ITPRID1: variants seen among roughly 807,000 people sequenced by gnomAD.
ITPRID1 encodes the protein ITPR interacting domain containing 1, also known as protein ITPRID1.
Under a neutral mutation model 95.4 loss-of-function variants are expected in ITPRID1, and 96 were observed. The observed-to-expected ratio is 1.01, with a 90% CI of 0.85 to 1.19. The LOEUF (loss-of-function observed/expected upper bound fraction) is 1.19. ITPRID1 is among the 50% of genes most tolerant of loss of function. ITPRID1 has a pLI of 0.00. For synonymous variants in ITPRID1, 510 were observed against 453.6 expected (o/e 1.12, Z -1.58); for missense variants, 1,339 against 1,252.9 (o/e 1.07, Z -1.04).
chr7:31,616,365 T>TA (rs1787229752), intron 10 of ITPRID1, among the ~76,000 whole-genome samples: 1 of 152,180 alleles, frequency 6.6e-6, no homozygotes, highest in African/African-American at 2.4e-5. Context: ...ATAATCAGAT[T>TA]TTTAAATGTG....
At chr7:31,590,098 T>C (rs1785800178) in intron 10 of ITPRID1, among the ~76,000 whole-genome samples, 1 of 152,104 alleles carries the variant, frequency 6.6e-6, no homozygotes, top group Admixed American at 6.6e-5. Context: ...GGTGGGGATC[T>C]CACTCTGTAG....
At position 31,652,569 on chromosome 7, in the gene ITPRID1, C is replaced by A. The variant is rs1226289038; in HGVS notation, c.2875C>A (p.Gln959Lys). The A allele has an allele frequency of 5.6e-6, 9 of 1,610,840 alleles. No individual in the cohort carries two copies. Among genetic ancestry groups the A allele is most frequent in the Non-Finnish European group, 7.6e-6 (9 of 1,178,434 alleles). ...EPPEHYSNLH[Q>K]YNWIEESNGQ... ...ACCTGAACACTATTCAAATCTGCAT[C>A]AATATAACTGGATAGAAGAAAGCAA... The change falls in exon 15 of 15, where the codon CAA becomes AAA. Residue 959 changes from glutamine to lysine, a missense_variant. Physicochemically the swap from Gln to Lys is moderately conservative, Grantham distance 53 (BLOSUM62 1). Transcript: ENST00000615280.
intron 10 of ITPRID1, among the ~76,000 whole-genome samples, chr7:31,628,682 T>G (rs1788712571): frequency 6.6e-6 from 1 of 152,036 alleles, no homozygotes; most frequent in South Asian, 2.1e-4. Context: ...GGTCTCAATC[T>G]CCTGACCTTG....
chr7:31,654,546 A>G lies in ITPRID1; in HGVS notation c.*1717A>G, dbSNP rs1791201162. ...CCCCTGGGGGTCTACAGTGAGGCAGAGTGCCCAGCTAGGAGGCTGTTGCTG... is the reference window on the plus strand; with the variant it reads ...CCCCTGGGGGTCTACAGTGAGGCAGGGTGCCCAGCTAGGAGGCTGTTGCTG... On this transcript the variant is annotated 3_prime_UTR_variant, in exon 15 of 15. Transcript: ENST00000615280. Among the ~76,000 whole-genome samples, 1 of 152,168 alleles carries G rather than the reference A, an allele frequency of 6.6e-6. No homozygotes were observed. Among genetic ancestry groups the G allele is most frequent in the Non-Finnish European group, 1.5e-5 (1 of 68,018 alleles).
chr7:31,583,338 C>G, intron 10 of ITPRID1, 147 bp downstream of exon 10: 1 of 558,112 alleles, frequency 1.8e-6, no homozygotes, highest in South Asian at 3.3e-5. Context: ...TAAAAGCCTA[C>G]TGGCAGGCCG....
At chr7:31,641,394 C>A (rs1158841120) in intron 10 of ITPRID1, among the ~76,000 whole-genome samples, 1 of 152,124 alleles carries the variant, frequency 6.6e-6, no homozygotes, top group African/African-American at 2.4e-5. Context: ...AAGGAGGCCA[C>A]CTTGCAACCC....
chr7:31,644,696 A>G (rs1204669291), intron 12 of ITPRID1, among the ~76,000 whole-genome samples: 1 of 152,108 alleles, frequency 6.6e-6, no homozygotes, highest in Non-Finnish European at 1.5e-5. Flanking sequence ...CCCTTCCAGT[A>G]CCTCCTTTTT....
intron 12 of ITPRID1, among the ~76,000 whole-genome samples, chr7:31,645,998 G>C (rs1180451917): frequency 1.3e-5 from 2 of 152,076 alleles, no homozygotes; most frequent in Non-Finnish European, 2.9e-5. Context: ...CCGTATGGGG[G>C]AAAATATTAA....
At chr7:31,554,788 A>G in intron 4 of ITPRID1, 70 bp from the exon 5 acceptor site, 2 of 1,331,088 alleles carry the variant, frequency 1.5e-6, no homozygotes, top group African/African-American at 1.5e-5. Context: ...CACCTGTTTA[A>G]TTAAAAAGTA....
At position 31,555,134 on chromosome 7, in the gene ITPRID1, T is replaced by C. The variant is rs201277184; in HGVS notation, c.256+233T>C. 1.0e-4 allele frequency: 48 copies of C among 472,906 alleles called. No homozygotes were observed. The East Asian group carries it at 1.3e-3, about 13-fold the overall frequency. 29.3% of individuals were successfully genotyped at this position (472,906 alleles called of 1,614,324 possible). A position where few individuals can be genotyped will look rare whatever the true frequency, so the allele number is the denominator to read the frequency against. Reference sequence around the variant, plus strand: ...CCCAGGGCTCTTGCCATATCATCAATGGCTCAGAGTATAGCATAAACTCAC... The same window carrying C: ...CCCAGGGCTCTTGCCATATCATCAACGGCTCAGAGTATAGCATAAACTCAC... On this transcript the variant is annotated intron_variant, in intron 5 of 14. Transcript: ENST00000615280.
rs985018105 is a variant in ITPRID1 at position 31,653,968 on chromosome 7, G to A, written c.*1139G>A. Among the ~76,000 whole-genome samples the A allele has an allele frequency of 3.3e-5, 5 of 151,042 alleles. No homozygotes were observed. The highest frequency in any genetic ancestry group is 4.0e-4 in the East Asian group (2 of 5,034). On this transcript the variant is annotated 3_prime_UTR_variant, in exon 15 of 15. Transcript: ENST00000615280. ...AGTACTGATGAAACACCTACTGTGTGCAGGCTACTATTCTAGTGCTGGAGA... is the reference window on the plus strand; with the variant it reads ...AGTACTGATGAAACACCTACTGTGTACAGGCTACTATTCTAGTGCTGGAGA...
At chr7:31,571,878 G>A (rs1186098861) in intron 6 of ITPRID1, among the ~76,000 whole-genome samples, 4 of 152,136 alleles carry the variant, frequency 2.6e-5, no homozygotes, top group African/African-American at 4.8e-5. Context: ...GCACTAGCGG[G>A]CACCTAATGC....
intron 10 of ITPRID1, among the ~76,000 whole-genome samples, chr7:31,630,810 G>C (rs1363977229): frequency 6.6e-6 from 1 of 151,624 alleles, no homozygotes; most frequent in Admixed American, 6.6e-5. Context: ...AAATGAATGG[G>C]CAAAATATAC....
At chr7:31,638,421 C>G (rs1400466980) in intron 10 of ITPRID1, among the ~76,000 whole-genome samples, 1 of 152,160 alleles carries the variant, frequency 6.6e-6, no homozygotes, top group East Asian at 1.9e-4. Context: ...CAGGCAGCAC[C>G]TTTTCTACAA....
At chr7:31,587,424 A>C (rs1385735891) in intron 10 of ITPRID1, among the ~76,000 whole-genome samples, 16 of 151,698 alleles carry the variant, frequency 1.1e-4, no homozygotes, top group Middle Eastern at 3.4e-3. Context: ...TAGGAATCCA[A>C]CTTACAAGGG....
intron 10 of ITPRID1, among the ~76,000 whole-genome samples, chr7:31,620,070 T>A (rs1787685639): frequency 6.6e-6 from 1 of 152,162 alleles, no homozygotes; most frequent in Non-Finnish European, 1.5e-5. Context: ...TGCCCGCCAT[T>A]ACCCAGGCTT....
At chr7:31,575,589 G>A (rs1250982004) in intron 8 of ITPRID1, among the ~76,000 whole-genome samples, 3 of 152,178 alleles carry the variant, frequency 2.0e-5, no homozygotes, top group South Asian at 2.1e-4. Flanking sequence ...TCCTAGAGGG[G>A]ATGCAGTGCA....
At chr7:31,578,586 T>A (rs1785283796) in intron 9 of ITPRID1, among the ~76,000 whole-genome samples, 152 bp downstream of exon 9, 1 of 152,190 alleles carries the variant, frequency 6.6e-6, no homozygotes, top group Non-Finnish European at 1.5e-5. Context: ...AAAGTCATTC[T>A]AGTTGCTTTT....
chr7:31,620,506 G>A (rs1246970018), intron 10 of ITPRID1, among the ~76,000 whole-genome samples: 1 of 151,124 alleles, frequency 6.6e-6, no homozygotes, highest in Non-Finnish European at 1.5e-5. Context: ...ACAGGGTCTG[G>A]AGTGGACCTC....
Sources: allele counts gnomAD v4.1 joint callset (sites outside exome capture counted in the v4.1 genomes callset), GRCh38; gene constraint gnomAD v4.1.1; transcripts MANE v1.5; gene names NCBI Gene and HGNC (gene_info 2026-07-23, HGNC 2026-07-21).